MX1: variants seen among roughly 807,000 people sequenced by gnomAD.
MX1 encodes MX dynamin like GTPase 1, also known as interferon-induced GTP-binding protein Mx1.
In MX1, 66 loss-of-function variants were observed where a neutral mutation model predicts 66.4. The ratio of observed to expected loss-of-function variants is 0.99; its 90% confidence interval spans 0.82 to 1.22. The LOEUF (loss-of-function observed/expected upper bound fraction) is 1.22. Among genes scored for constraint, MX1 ranks in the 50% most tolerant of loss-of-function variants. MX1 has a pLI of 0.00. For synonymous variants in MX1, 311 were observed against 318.1 expected, an observed-to-expected ratio of 0.98 and a Z score of 0.24; for missense variants, 787 against 834.3, an observed-to-expected ratio of 0.94 and a Z score of 0.70.
upstream of MX1, chr21:41,426,114 C>G (rs1442524879): frequency 5.7e-5 from 10 of 174,218 alleles, no homozygotes; most frequent in East Asian, 1.3e-3. Context: ...AGGTGCGGGG[C>G]CAGGAGCTAG....
intron 11 of MX1, 21 bp downstream of exon 11, chr21:41,443,887 G>C (rs769390541): frequency 1.2e-6 from 2 of 1,612,322 alleles, no homozygotes; most frequent in Non-Finnish European, 1.7e-6. Flanking sequence ...GCAGAGCTGT[G>C]GGTTCTCTAA....
chr21:41,424,907 G>T (rs1380279691), upstream of MX1, among the ~76,000 whole-genome samples: 1 of 152,210 alleles, frequency 6.6e-6, no homozygotes, highest in Non-Finnish European at 1.5e-5. Context: ...TTCAGACAAA[G>T]ACAGTAAATT....
intron 14 of MX1, 61 bp from the exon 15 acceptor site, chr21:41,451,106 C>T: frequency 7.1e-6 from 8 of 1,122,228 alleles, no homozygotes; most frequent in South Asian, 2.6e-5. Context: ...TATTTTTTTG[C>T]ATCTTAAGAA....
At chr21:41,456,209 A>C (rs2090954680) in intron 16 of MX1, among the ~76,000 whole-genome samples, 1 of 152,226 alleles carries the variant, frequency 6.6e-6, no homozygotes, top group Non-Finnish European at 1.5e-5. Flanking sequence ...ACACCACTGC[A>C]CTCCAGCCTG....
rs528149977 is a variant in MX1, at chr21:41,457,291, A to G, written c.1759-1237A>G. Among the ~76,000 whole-genome samples the G allele has an allele frequency of 7.2e-5, 11 of 152,220 alleles. No homozygotes were observed. The South Asian group carries it at 8.3e-4, about 11-fold the overall frequency. ...GTCATTTGCTTTGTCATTTTTGTCTATGGTGGTTTTAGACTATGCGTAAGT... is the reference window on the plus strand; with the variant it reads ...GTCATTTGCTTTGTCATTTTTGTCTGTGGTGGTTTTAGACTATGCGTAAGT... On this transcript the variant is annotated intron_variant, in intron 16 of 16. Coordinates refer to ENST00000398598, the MANE Select transcript of MX1 (RefSeq NM_002462.5).
upstream of MX1, among the ~76,000 whole-genome samples, chr21:41,421,588 A>C (rs975312233): frequency 1.3e-5 from 2 of 152,060 alleles, no homozygotes; most frequent in Non-Finnish European, 2.9e-5. Flanking sequence ...CGTGGTGATG[A>C]CTCTTAAGGA....
intron 14 of MX1, 62 bp downstream of exon 14, chr21:41,449,357 G>A (rs1057484352): frequency 2.6e-6 from 4 of 1,539,460 alleles, no homozygotes; most frequent in Admixed American, 2.1e-5. Flanking sequence ...TCGAACCAAA[G>A]CCAGCACCAA....
chr21:41,435,910 G>A lies in MX1; in HGVS notation c.179G>A (p.Arg60Gln), dbSNP rs779947445. Residue 60 changes from arginine (R) to glutamine (Q), a missense_variant, in exon 6 of 17, where the codon CGG becomes CAG. By Grantham distance (43) the Arg-to-Gln change is conservative. Coordinates refer to ENST00000398598, the MANE Select transcript of MX1 (RefSeq NM_002462.5). ...TGCATCGACCTCATTGACTCCCTGC[G>A]GGCTCTAGGTGTGGAGCAGGACCTG... ...RPCIDLIDSL[R>Q]ALGVEQDLAL... The A allele has an allele frequency of 6.2e-6, 10 of 1,614,222 alleles. No homozygotes were observed. Among genetic ancestry groups the A allele is most frequent in the Non-Finnish European group, 8.5e-6 (10 of 1,180,048 alleles).
intron 16 of MX1, among the ~76,000 whole-genome samples, chr21:41,453,324 T>A (rs747424823): frequency 6.6e-6 from 1 of 152,236 alleles, no homozygotes; most frequent in African/African-American, 2.4e-5. Context: ...GGGAGTACAA[T>A]TCAAGATGAG....
chr21:41,435,113 T>A (rs1766092579), intron 5 of MX1, among the ~76,000 whole-genome samples: 1 of 152,250 alleles, frequency 6.6e-6, no homozygotes, highest in African/African-American at 2.4e-5. Context: ...TGTTATTGCT[T>A]CTGATAAGAT....
intron 5 of MX1, among the ~76,000 whole-genome samples, chr21:41,434,607 G>A (rs577653133): frequency 5.3e-5 from 8 of 151,926 alleles, no homozygotes; most frequent in African/African-American, 1.9e-4. Flanking sequence ...ATAACTCTTG[G>A]TGTTTTTAGT....
At chr21:41,425,045 C>G (rs2090034139), upstream of MX1, among the ~76,000 whole-genome samples, 1 of 152,216 alleles carries the variant, frequency 6.6e-6, no homozygotes, top group Admixed American at 6.5e-5. Flanking sequence ...AAGCTTGCAT[C>G]TGCAACTTGT....
intron 14 of MX1, chr21:41,449,873 C>G (rs1211245810): frequency 2.0e-5 from 3 of 152,182 alleles, no homozygotes; most frequent in Non-Finnish European, 4.4e-5. Context: ...AGGATTGACT[C>G]AATCTCCAGG....
chr21:41,442,191 T>G (rs1392368399), intron 10 of MX1, among the ~76,000 whole-genome samples: 2 of 151,980 alleles, frequency 1.3e-5, no homozygotes, highest in Non-Finnish European at 2.9e-5. Flanking sequence ...TTACGTAGCA[T>G]GGTGCTGGAA....
At position 41,437,165 on chromosome 21, in the gene MX1, T is replaced by G; in HGVS notation, c.436+13T>G. 1 of 1,613,700 alleles carries G rather than the reference T, an allele frequency of 6.2e-7. No individual in the cohort carries two copies. On this transcript the variant is annotated intron_variant, in intron 7 of 16. Coordinates refer to ENST00000398598, the MANE Select transcript of MX1 (RefSeq NM_002462.5). ...GAAATTAATAAAGGTGAGTACCCCC[T>G]GTTTGGATGCCTGGTCAAGCCTTCT...
intron 16 of MX1, among the ~76,000 whole-genome samples, chr21:41,455,161 C>T (rs999008384): frequency 4.6e-5 from 7 of 152,166 alleles, no homozygotes; most frequent in African/African-American, 7.2e-5. Context: ...CTGCCTGCCT[C>T]GGCCTCCCAA....
chr21:41,436,063 G>A, intron 6 of MX1, 34 bp downstream of exon 6: 1 of 1,600,556 alleles, frequency 6.2e-7, no homozygotes, highest in South Asian at 1.1e-5. Flanking sequence ...GTCTGCTCAG[G>A]CTGCCATAAC....
At chr21:41,452,016 G>A (rs13051107) in intron 15 of MX1, among the ~76,000 whole-genome samples, 24,489 of 151,890 alleles carry the variant, frequency 0.16, 2,173 homozygotes, top group East Asian at 0.28. Context: ...GCCTTGGGAT[G>A]TGCCACTTCC....
At position 41,441,073 on chromosome 21, in the gene MX1, G is replaced by A. The variant is rs201410639; in HGVS notation, c.730+48G>A. 6.4e-4 allele frequency: 967 copies of A among 1,500,058 alleles called. 4 individuals carry two copies. The highest frequency in any genetic ancestry group is 4.3e-3 in the Middle Eastern group (18 of 4,234). The allele number at this position is 1,500,058 out of a possible 1,614,324, so 92.9% of individuals were successfully genotyped here. ...GTGCTCAGTGAGAATGGGGGAGCCCGCCTGTGCTCGGTGAGAATGGGGGAG... is the reference window on the plus strand; with the variant it reads ...GTGCTCAGTGAGAATGGGGGAGCCCACCTGTGCTCGGTGAGAATGGGGGAG... On this transcript the variant is annotated intron_variant, in intron 9 of 16. Coordinates refer to ENST00000398598, the MANE Select transcript of MX1 (RefSeq NM_002462.5). The surrounding 1 kb of genome is among the most constrained non-coding windows in gnomAD (Gnocchi z 4.0).
Sources: gnomAD v4.1 joint callset for allele counts (sites outside exome capture counted in the v4.1 genomes callset) on GRCh38, gnomAD v4.1.1 for gene constraint, Gnocchi (gnomAD v3.1) non-coding constraint, MANE v1.5 for transcripts, NCBI Gene and HGNC (gene_info 2026-07-23, HGNC 2026-07-21) for gene names.